ERBB3: variants seen among roughly 807,000 people sequenced by gnomAD.
ERBB3 encodes erb-b2 receptor tyrosine kinase 3, also known as receptor tyrosine-protein kinase erbB-3.
ERBB3 carries 96 observed loss-of-function variants against 156.7 expected under a neutral mutation model. The observed-to-expected ratio is 0.61, with a 90% confidence interval of 0.52 to 0.73. ERBB3 has a LOEUF of 0.73. Ranked by LOEUF, ERBB3 falls within the 30% of genes least tolerant of loss-of-function variation. ERBB3 has a pLI of 0.00. For synonymous variants in ERBB3, 567 were observed against 632.0 expected (o/e 0.90, Z 1.54); for missense variants, 1,406 against 1,709.4 (o/e 0.82, Z 3.13).
In ERBB3 at chr12:56,100,159, A is replaced by AT; in HGVS notation, c.3130-9dup. 1 of 1,612,628 alleles carries AT rather than the reference A, an allele frequency of 6.2e-7. No individual in the cohort carries two copies. Among genetic ancestry groups the AT allele is most frequent in the Non-Finnish European group, 8.5e-7 (1 of 1,178,822 alleles). On this transcript the variant is annotated splice_polypyrimidine_tract_variant and intron_variant, in intron 25 of 27. Coordinates refer to ENST00000267101, the MANE Select transcript of ERBB3 (RefSeq NM_001982.4). ...CTCCCTTCATCTTAACCTTTTCCTT[A>AT]TTTTTTCATCCTAGAGCCAGAGCCT...
chr12:56,088,066 C>G lies in ERBB3; in HGVS notation c.778C>G (p.Pro260Ala), dbSNP rs1329534370. 2.5e-6 allele frequency: 4 copies of G among 1,613,956 alleles called. No individual in the cohort carries two copies. Among genetic ancestry groups the G allele is most frequent in the Non-Finnish European group, 3.4e-6 (4 of 1,179,948 alleles). Residue 260 changes from proline (P) to alanine (A), a missense_variant, in exon 7 of 28, where the codon CCA becomes GCA. Coordinates refer to ENST00000267101, the MANE Select transcript of ERBB3 (RefSeq NM_001982.4). ...NDSGACVPRC[P>A]QPLVYNKLTF... ...CAGTGGAGCCTGTGTACCTCGCTGT[C>G]CACAGCCTCTTGTCTACAACAAGCT...
At position 56,088,806 on chromosome 12, in the gene ERBB3, T is replaced by C. The variant is rs1266522342; in HGVS notation, c.1047T>C (p.Asp349=). 1 of 1,614,058 alleles carries C rather than the reference T, an allele frequency of 6.2e-7. No individual in the cohort carries two copies. Among genetic ancestry groups the C allele is most frequent in the Non-Finnish European group, 8.5e-7 (1 of 1,180,038 alleles). ...RFQTVDSSNI[D]GFVNCTKILG... ...AGACTGTGGACTCGAGCAACATTGA[T>C]GGATTTGTGAACTGCACCAAGATCC... Residue 349 remains aspartate, a synonymous_variant, in exon 9 of 28, where the codon GAT becomes GAC. Coordinates refer to ENST00000267101, the MANE Select transcript of ERBB3 (RefSeq NM_001982.4).
chr12:56,101,421 T>C (rs1869100039), intron 27 of ERBB3, 60 bp downstream of exon 27: 5 of 1,600,412 alleles, frequency 3.1e-6, no homozygotes, highest in African/African-American at 1.3e-5. Context: ...CCCGGGCTCC[T>C]CTTTTTTCTT....
intron 26 of ERBB3, among the ~76,000 whole-genome samples, chr12:56,100,473 C>G (rs1869053203): frequency 6.6e-6 from 1 of 151,956 alleles, no homozygotes; most frequent in Admixed American, 6.6e-5. Flanking sequence ...GAAACCCCGT[C>G]TCTACCCAAA....
rs760053751 is a variant in ERBB3 at position 56,085,163 on chromosome 12, C to T, written c.403C>T (p.Arg135Cys). The T allele has an allele frequency of 8.7e-6, 14 of 1,614,046 alleles. No individual in the cohort carries two copies. Among genetic ancestry groups the T allele is most frequent in the South Asian group, 1.1e-5 (1 of 91,088 alleles). Residue 135 changes from arginine to cysteine, a missense_variant, in exon 3 of 28, where the codon CGC becomes TGC. By Grantham distance (180) the Arg-to-Cys change is radical. Around this residue, in one of 3 missense-constraint regions of ERBB3, gnomAD observed 979 missense variants for 1,219.6 expected, o/e 0.80. Coordinates refer to ENST00000267101, the MANE Select transcript of ERBB3 (RefSeq NM_001982.4). ...CTCCAGCCACGCTCTGCGCCAGCTC[C>T]GCTTGACTCAGCTCACCGGTCAGTT... Reference protein sequence around the residue: ...TNSSHALRQLRLTQLTEILSG... With the variant: ...TNSSHALRQLCLTQLTEILSG...
At position 56,089,039 on chromosome 12, in the gene ERBB3, G is replaced by A. The variant is rs1385915162; in HGVS notation, c.1109+171G>A. ...TAACACATCCTCCATCCAGGCCTTC[G>A]GTCCCCTCAGGAACATCTTTGAGCA... On this transcript the variant is annotated intron_variant, in intron 9 of 27. Transcript: ENST00000267101. The A allele has an allele frequency of 2.7e-5, 22 of 814,982 alleles. 1 individual carries two copies. The highest frequency in any genetic ancestry group is 1.7e-4 in the South Asian group (12 of 71,682). 50.5% of individuals were successfully genotyped at this position (814,982 alleles called of 1,614,324 possible).
intron 9 of ERBB3, among the ~76,000 whole-genome samples, chr12:56,090,579 G>A (rs546956237): frequency 1.1e-4 from 17 of 152,160 alleles, no homozygotes; most frequent in Non-Finnish European, 2.1e-4. Context: ...GGCAGGCAGA[G>A]GTTGCAGTGA....
In ERBB3 at chr12:56,089,723, G is replaced by A. The variant is rs529743964; in HGVS notation, c.1109+855G>A. Among the ~76,000 whole-genome samples, 379 of 151,012 alleles carry A rather than the reference G, an allele frequency of 2.5e-3. 4 individuals carry two copies. Among genetic ancestry groups the A allele is most frequent in the African/African-American group, 8.7e-3 (358 of 41,102 alleles). On this transcript the variant is annotated intron_variant, in intron 9 of 27. Coordinates refer to ENST00000267101, the MANE Select transcript of ERBB3 (RefSeq NM_001982.4). ...TTACACCACCGCACTCCAGCCTGGC[G>A]ACAGAGCGAGACTCTTTCTCAAAAA...
chr12:56,090,291 C>T (rs1434261779), intron 9 of ERBB3, among the ~76,000 whole-genome samples: 6 of 152,164 alleles, frequency 3.9e-5, no homozygotes. Context: ...TGAGCCACCG[C>T]GTCTGGCCCC....
At chr12:56,088,449 A>G (rs1469771118) in intron 7 of ERBB3, 94 bp from the exon 8 acceptor site, 1 of 1,010,704 alleles carries the variant, frequency 9.9e-7, no homozygotes, top group Non-Finnish European at 1.6e-6. Context: ...TCCAGTGCAG[A>G]GCTGGAGGGA....
At chr12:56,097,396 G>A (rs569887971) in intron 20 of ERBB3, among the ~76,000 whole-genome samples, 166 bp downstream of exon 20, 14 of 152,266 alleles carry the variant, frequency 9.2e-5, no homozygotes, top group African/African-American at 2.2e-4. Context: ...GCATGTGAGC[G>A]GCAGGCAAGC....
chr12:56,082,437 C>T (rs1194732430), intron 1 of ERBB3, among the ~76,000 whole-genome samples: 2 of 152,144 alleles, frequency 1.3e-5, no homozygotes, highest in Non-Finnish European at 2.9e-5. Context: ...TCCTCTGGAA[C>T]TAGCTCTCTT....
chr12:56,091,302 T>TATATATATATATATA (rs1565858549), intron 9 of ERBB3, among the ~76,000 whole-genome samples: 7 of 85,788 alleles, frequency 8.2e-5, no homozygotes, highest in South Asian at 2.8e-4. Context: ...ATATAAATAA[T>TATATATATATATATA]ATATATAAAT....
In ERBB3 at chr12:56,089,867, A is replaced by ATGTG. The variant is rs151196139; in HGVS notation, c.1109+1011_1109+1014dup. ...TCTAGTCTATAGGACAGCATTTAAA[A>ATGTG]TGTGTGTGTGTGTGTAAAAAAAACC... On this transcript the variant is annotated intron_variant, in intron 9 of 27. Coordinates refer to ENST00000267101, the MANE Select transcript of ERBB3 (RefSeq NM_001982.4). 1.4e-3 allele frequency among the ~76,000 whole-genome samples: 214 copies of ATGTG among 151,256 alleles called. 2 individuals are homozygous for ATGTG. Among genetic ancestry groups the ATGTG allele is most frequent in the African/African-American group, 5.1e-3 (210 of 41,220 alleles).
At chr12:56,080,565 C>T (rs1435158677) in intron 1 of ERBB3, among the ~76,000 whole-genome samples, 183 bp downstream of exon 1, 1 of 152,234 alleles carries the variant, frequency 6.6e-6, no homozygotes, top group African/African-American at 2.4e-5. Flanking sequence ...CGGCCGAGGG[C>T]GGCATTCCGG....
Position 56,093,894 on chromosome 12 carries a change from T to A in ERBB3, c.1611T>A (p.Asn537Lys). Residue 537 changes from asparagine to lysine, a missense_variant and splice_region_variant, in exon 13 of 28, where the codon AAT becomes AAA. Asn to Lys is a moderately conservative substitution (Grantham distance 94). This residue lies in a region of ERBB3 where 979 missense variants were observed against 1,219.6 expected (regional missense o/e 0.80). Coordinates refer to ENST00000267101, the MANE Select transcript of ERBB3 (RefSeq NM_001982.4). Reference sequence around the variant, plus strand: ...GTGTGACCCACTGCAACTTTCTGAATGGGTACAGTAAGGGGAGCCAGTCAA... The same window carrying A: ...GTGTGACCCACTGCAACTTTCTGAAAGGGTACAGTAAGGGGAGCCAGTCAA... Reference protein sequence around the residue: ...GVCVTHCNFLNGEPREFAHEA... With the variant: ...GVCVTHCNFLKGEPREFAHEA... 1 of 1,608,046 alleles carries A rather than the reference T, an allele frequency of 6.2e-7. No homozygotes were observed.
chr12:56,097,028 C>G lies in ERBB3; in HGVS notation c.2275-17C>G. The G allele has an allele frequency of 6.2e-7, 1 of 1,613,308 alleles. No individual in the cohort carries two copies. The highest frequency in any genetic ancestry group is 8.5e-7 in the Non-Finnish European group (1 of 1,179,436). On this transcript the variant is annotated splice_polypyrimidine_tract_variant and intron_variant, in intron 19 of 27. Coordinates refer to ENST00000267101, the MANE Select transcript of ERBB3 (RefSeq NM_001982.4). ...GAACCTGTTGGTTTCCTAGATAATA[C>G]CTTTTGTGTCTCTTAGCATATGCTG...
chr12:56,103,266 G>A lies in ERBB3; in HGVS notation c.*1211G>A, dbSNP rs915308081. On this transcript the variant is annotated 3_prime_UTR_variant, in exon 28 of 28. Transcript: ENST00000267101. ...GTGTAAACCATAATCCACATGTGCC[G>A]TAAATGATCTTCACTCCTTATCCGA... The A allele has an allele frequency of 4.5e-5, 10 of 224,624 alleles. No individual in the cohort carries two copies. The highest frequency in any genetic ancestry group is 2.0e-4 in the African/African-American group (9 of 44,810). The allele number at this position is 224,624 out of a possible 1,614,324, so 13.9% of individuals were successfully genotyped here.
chr12:56,087,759 G>A (rs1868534818), intron 5 of ERBB3, 36 bp from the exon 6 acceptor site: 3 of 1,599,422 alleles, frequency 1.9e-6, no homozygotes, highest in Non-Finnish European at 2.6e-6. Flanking sequence ...TTCAGTCCTA[G>A]GAGCCCTAAC....
Sources: gnomAD v4.1 joint callset for allele counts (sites outside exome capture counted in the v4.1 genomes callset) on GRCh38, gnomAD v4.1.1 for gene constraint, gnomAD v4.1.1 regional missense constraint, MANE v1.5 for transcripts, NCBI Gene and HGNC (gene_info 2026-07-23, HGNC 2026-07-21) for gene names.